PROM1: variants seen among roughly 807,000 people sequenced by gnomAD.
PROM1 encodes prominin 1.
In PROM1, 105 loss-of-function variants were observed where a neutral mutation model predicts 116.9. The ratio of observed to expected loss-of-function variants is 0.90; its 90% CI spans 0.77 to 1.06. PROM1 has a LOEUF of 1.06. PROM1 is among the 50% of genes least tolerant of loss of function. The pLI is 0.00. For synonymous variants in PROM1, 393 were observed against 387.0 expected, an observed-to-expected ratio of 1.02 and a Z score of -0.18; for missense variants, 1,122 against 1,045.2, an observed-to-expected ratio of 1.07 and a Z score of -1.01.
At chr4:16,001,569 T>A (rs1272081586) in intron 13 of PROM1, among the ~76,000 whole-genome samples, 2 of 152,112 alleles carry the variant, frequency 1.3e-5, no homozygotes, top group Non-Finnish European at 2.9e-5. Context: ...GTGGGTGTGA[T>A]GCCACCTAGG....
rs1271337656 is a variant in PROM1, at chr4:15,968,921, A to T, written c.*472T>A. On this transcript the variant is annotated 3_prime_UTR_variant, in exon 28 of 28. Transcript: ENST00000447510. ...AAAGTCCTATAATACTCATTTGTTT[A>T]AAAAACTCTGTGGTAACAAAAGGTA... 1 of 152,234 alleles carries T rather than the reference A, an allele frequency of 6.6e-6. No homozygotes were observed. The highest frequency in any genetic ancestry group is 2.4e-5 in the African/African-American group (1 of 41,458). 9.4% of individuals were successfully genotyped at this position (152,234 alleles called of 1,614,324 possible).
chr4:15,978,369 T>A (rs984907206), intron 26 of PROM1, among the ~76,000 whole-genome samples: 1 of 152,260 alleles, frequency 6.6e-6, no homozygotes, highest in African/African-American at 2.4e-5. Context: ...CAAATTTTAA[T>A]GACTTTCTGG....
chr4:15,981,076 C>T (rs908798420), intron 23 of PROM1, among the ~76,000 whole-genome samples: 2 of 151,408 alleles, frequency 1.3e-5, no homozygotes, highest in Non-Finnish European at 2.9e-5. Flanking sequence ...ATTCTCCTGC[C>T]TCAGCCTCCT....
intron 3 of PROM1, among the ~76,000 whole-genome samples, chr4:16,038,680 C>T (rs181003389): frequency 9.1e-4 from 139 of 152,292 alleles, no homozygotes; most frequent in African/African-American, 3.2e-3. Context: ...GGATTACAGG[C>T]GTGAGCCACC....
At chr4:16,015,603 T>C (rs1299058492) in intron 10 of PROM1, among the ~76,000 whole-genome samples, 2 of 151,814 alleles carry the variant, frequency 1.3e-5, no homozygotes, top group African/African-American at 2.4e-5. Flanking sequence ...GGCAGGAGAA[T>C]CGCTTGAACT....
At chr4:16,082,002 C>T (rs989444305) in intron 1 of PROM1, 3 of 152,068 alleles carry the variant, frequency 2.0e-5, no homozygotes, top group African/African-American at 7.2e-5. Flanking sequence ...ACTAACTCTG[C>T]CAAGATGACA....
chr4:16,008,804 C>T (rs1726146528), intron 12 of PROM1, 145 bp downstream of exon 12: 1 of 742,278 alleles, frequency 1.3e-6, no homozygotes, highest in Non-Finnish European at 2.2e-6. Flanking sequence ...TTCTAATGAA[C>T]ATAAACTGGG....
chr4:16,081,143 C>T (rs1744970905), intron 1 of PROM1, among the ~76,000 whole-genome samples: 3 of 151,714 alleles, frequency 2.0e-5, no homozygotes, highest in Admixed American at 2.0e-4. Flanking sequence ...ATACATGTGC[C>T]ATGTCGGTGT....
At chr4:15,990,889 TC>T (rs1175215933) in intron 18 of PROM1, among the ~76,000 whole-genome samples, 7 of 152,246 alleles carry the variant, frequency 4.6e-5, no homozygotes, top group African/African-American at 1.7e-4. Context: ...TACAAAACTG[TC>T]CCTAGGCTGC....
At chr4:16,062,404 T>G (rs10516295) in intron 2 of PROM1, among the ~76,000 whole-genome samples, 116,159 of 152,116 alleles carry the variant, frequency 0.76, 44,448 homozygotes, top group Non-Finnish European at 0.79. Context: ...TTTCTGTATA[T>G]TAAGCACAAT....
intron 2 of PROM1, among the ~76,000 whole-genome samples, chr4:16,041,275 G>C (rs757117703): frequency 4.6e-5 from 7 of 152,146 alleles, no homozygotes; most frequent in South Asian, 2.1e-4. Flanking sequence ...ACTTAAGAAG[G>C]CTCTTGATAA....
In PROM1 at chr4:15,999,657, C is replaced by T. The variant is rs924817032; in HGVS notation, c.1578+839G>A. ...TAATGATGCCTGGCTTGATGTCTTT[C>T]TTTTATCAAAAGGCCAAATGGAGAT... On this transcript the variant is annotated intron_variant, in intron 14 of 27. Transcript: ENST00000447510. Among the ~76,000 whole-genome samples, 5 of 152,262 alleles carry T rather than the reference C, an allele frequency of 3.3e-5. No homozygotes were observed. The South Asian group carries it at 1.0e-3, about 32-fold the overall frequency.
At chr4:16,030,979 G>A (rs2149369852) in intron 5 of PROM1, among the ~76,000 whole-genome samples, 1 of 152,280 alleles carries the variant, frequency 6.6e-6, no homozygotes, top group South Asian at 2.1e-4. Context: ...CCGGGAGGCG[G>A]AGGTTGGAGT....
At chr4:16,010,141 T>G (rs187659555) in intron 11 of PROM1, among the ~76,000 whole-genome samples, 1 of 152,254 alleles carries the variant, frequency 6.6e-6, no homozygotes, top group East Asian at 1.9e-4. Context: ...AGTGGCCAGT[T>G]TCTTTTGCTC....
intron 2 of PROM1, among the ~76,000 whole-genome samples, chr4:16,049,850 A>G (rs1413105181): frequency 6.6e-6 from 1 of 152,112 alleles, no homozygotes; most frequent in East Asian, 1.9e-4. Context: ...GCATTGTCTC[A>G]TTCCTTCTTA....
At chr4:16,002,163 C>T (rs10019185) in intron 13 of PROM1, among the ~76,000 whole-genome samples, 3,851 of 151,328 alleles carry the variant, frequency 0.025, 152 homozygotes, top group African/African-American at 0.089. Context: ...GGAAAATGGA[C>T]GTATCAGAGT....
chr4:15,971,968 C>G (rs1227094376), intron 26 of PROM1: 1 of 152,250 alleles, frequency 6.6e-6, no homozygotes, highest in Admixed American at 6.5e-5. Flanking sequence ...GAAAAGGGTG[C>G]AAGCAGGGGC....
Position 15,984,256 on chromosome 4 carries a change from A to C in PROM1, c.2373+7T>G, listed in dbSNP as rs1231202335. 6.3e-7 allele frequency: 1 copy of C among 1,575,190 alleles called. No individual in the cohort carries two copies. Among genetic ancestry groups the C allele is most frequent in the Non-Finnish European group, 8.7e-7 (1 of 1,149,380 alleles). ...ATTGTGTCTTCTTTTGAAAGATGAA[A>C]TCTTACCAAGGGGTCGATAATGTAG... On this transcript the variant is annotated splice_region_variant and intron_variant, in intron 23 of 27. Transcript: ENST00000447510.
chr4:16,021,268 C>A (rs542690427), intron 8 of PROM1, among the ~76,000 whole-genome samples: 5 of 152,074 alleles, frequency 3.3e-5, no homozygotes, highest in African/African-American at 4.8e-5. Context: ...TTTGAGTTAT[C>A]TTTTACCTAA....
Sources: allele counts gnomAD v4.1 joint callset (sites outside exome capture counted in the v4.1 genomes callset), GRCh38; gene constraint gnomAD v4.1.1; transcripts MANE v1.5; gene names NCBI Gene and HGNC (gene_info 2026-07-23, HGNC 2026-07-21).